LRFN5: variants seen among roughly 807,000 people sequenced by gnomAD.
LRFN5 encodes the protein leucine rich repeat and fibronectin type III domain containing 5.
In LRFN5, 24 loss-of-function variants were observed where a neutral mutation model predicts 45.6. That is an observed-to-expected ratio of 0.53 (90% confidence interval 0.38 to 0.74). The LOEUF (loss-of-function observed/expected upper bound fraction) is 0.74. Ranked by LOEUF, LRFN5 falls within the 30% of genes least tolerant of loss-of-function variation. The pLI, the probability that LRFN5 is intolerant of heterozygous loss-of-function variation, is 0.00. For synonymous variants in LRFN5, 340 were observed against 313.8 expected (o/e 1.08, Z -0.88); for missense variants, 776 against 861.5 (o/e 0.90, Z 1.24).
At chr14:41,858,268 A>T (rs1889541305) in intron 2 of LRFN5, among the ~76,000 whole-genome samples, 1 of 152,054 alleles carries the variant, frequency 6.6e-6, no homozygotes, top group African/African-American at 2.4e-5. Context: ...CACTCTCTCC[A>T]AGCACCACCC....
intron 1 of LRFN5, among the ~76,000 whole-genome samples, chr14:41,684,663 A>G (rs1183191001): frequency 6.6e-6 from 1 of 152,196 alleles, no homozygotes; most frequent in Non-Finnish European, 1.5e-5. Context: ...AAAATCAAAT[A>G]AAAATGGGTT....
Position 41,856,675 on chromosome 14 carries a change from A to ATTATTAT in LRFN5, c.-20-29929_-20-29928insATTATTT. Reference sequence around the variant, plus strand: ...TTCTTTCCTAATTATTATTATTATTATTTTTTTTTTTTTTTTTTTGAGACG... The same window carrying ATTATTAT: ...TTCTTTCCTAATTATTATTATTATTATTATTATTTTTTTTTTTTTTTTTTTTGAGACG... On this transcript the variant is annotated intron_variant, in intron 2 of 5. Coordinates refer to ENST00000298119, the MANE Select transcript of LRFN5 (RefSeq NM_152447.5). Among the ~76,000 whole-genome samples the ATTATTAT allele has an allele frequency of 3.4e-3, 63 of 18,344 alleles. 5 individuals carry two copies. The highest frequency in any genetic ancestry group is 7.4e-3 in the African/African-American group (58 of 7,826). 12.0% of individuals were successfully genotyped at this position (18,344 alleles called of 152,430 possible).
chr14:41,801,656 T>C (rs1887338886), intron 2 of LRFN5, among the ~76,000 whole-genome samples: 3 of 152,192 alleles, frequency 2.0e-5, no homozygotes. Context: ...CTGTGCTCAT[T>C]ATCCCAGATG....
chr14:41,803,114 A>C (rs1887396207), intron 2 of LRFN5, among the ~76,000 whole-genome samples: 1 of 152,188 alleles, frequency 6.6e-6, no homozygotes, highest in Admixed American at 6.5e-5. Flanking sequence ...AGTGGTTTTC[A>C]AGTATGTAAT....
chr14:41,880,020 T>C (rs1890321749), intron 2 of LRFN5, among the ~76,000 whole-genome samples: 1 of 148,442 alleles, frequency 6.7e-6, no homozygotes, highest in Non-Finnish European at 1.5e-5. Flanking sequence ...CTCTGCCTCC[T>C]GGGTTCGCGT....
intron 2 of LRFN5, among the ~76,000 whole-genome samples, chr14:41,850,908 C>T (rs1039756593): frequency 6.6e-5 from 10 of 151,664 alleles, no homozygotes; most frequent in African/African-American, 2.2e-4. Flanking sequence ...ATATGTGTTA[C>T]TGAAGGATTC....
rs1179087248 is a variant in LRFN5 at position 41,892,645 on chromosome 14, A to G, written c.2098+683A>G. 3.0e-6 allele frequency: 3 copies of G among 983,640 alleles called. No homozygotes were observed. The East Asian group carries it at 3.4e-4, about 112-fold the overall frequency. The allele number at this position is 983,640 out of a possible 1,614,324, so 60.9% of individuals were successfully genotyped here. On this transcript the variant is annotated intron_variant, in intron 4 of 5. Coordinates refer to ENST00000298119, the MANE Select transcript of LRFN5 (RefSeq NM_152447.5). ...ATGTTGCTAAATTATTTAAAATACA[A>G]TATTCAATTAGTATACCGAGTTAAT...
intron 2 of LRFN5, among the ~76,000 whole-genome samples, chr14:41,872,449 T>C (rs1890051199): frequency 6.6e-6 from 1 of 152,198 alleles, no homozygotes; most frequent in East Asian, 1.9e-4. Context: ...TGAAATTAGT[T>C]TGGCTATAAA....
chr14:41,660,777 C>T (rs1365757629), intron 1 of LRFN5, among the ~76,000 whole-genome samples: 1 of 151,236 alleles, frequency 6.6e-6, no homozygotes, highest in African/African-American at 2.4e-5. Flanking sequence ...GATTCTGATG[C>T]ATGTGGCCCA....
Position 41,865,388 on chromosome 14 carries a change from C to T in LRFN5, c.-20-21218C>T, listed in dbSNP as rs779605294. ...ATTTCAAGGTTCATTTATGGTATTGCGTATATCAGTACTGCATTATTTTTA... is the reference window on the plus strand; with the variant it reads ...ATTTCAAGGTTCATTTATGGTATTGTGTATATCAGTACTGCATTATTTTTA... On this transcript the variant is annotated intron_variant, in intron 2 of 5. Coordinates refer to ENST00000298119, the MANE Select transcript of LRFN5 (RefSeq NM_152447.5). Among the ~76,000 whole-genome samples the T allele has an allele frequency of 3.3e-5, 5 of 152,054 alleles. No individual in the cohort carries two copies. In the East Asian group the frequency reaches 5.8e-4, roughly 18 times the overall value.
intron 2 of LRFN5, among the ~76,000 whole-genome samples, chr14:41,798,726 G>C (rs562419524): frequency 6.6e-6 from 1 of 151,888 alleles, no homozygotes; most frequent in East Asian, 1.9e-4. Context: ...AGAGGTAAAA[G>C]TTTGTATAGT....
intron 1 of LRFN5, among the ~76,000 whole-genome samples, chr14:41,725,201 G>A (rs1031378130): frequency 6.6e-5 from 10 of 152,132 alleles, no homozygotes; most frequent in Non-Finnish European, 1.3e-4. Context: ...TAGATGTGGC[G>A]AACTTGAGGC....
rs1031344306 is a variant in LRFN5 at position 41,899,027 on chromosome 14, T to C, written c.2142+67T>C. 1.7e-5 allele frequency: 22 copies of C among 1,259,200 alleles called. No homozygotes were observed. The African/African-American group carries it at 3.4e-4, about 19-fold the overall frequency. 78.0% of individuals were successfully genotyped at this position (1,259,200 alleles called of 1,614,324 possible). The stretch of plus-strand genomic sequence containing the variant: ...GGGTATACACTTTTTATAAATTAAC[T>C]TTAAGTAATTAGTTTGCTAATTTAT... On this transcript the variant is annotated intron_variant, in intron 5 of 5. Coordinates refer to ENST00000298119, the MANE Select transcript of LRFN5 (RefSeq NM_152447.5).
chr14:41,883,436 C>T (rs1890456626), intron 2 of LRFN5, among the ~76,000 whole-genome samples: 1 of 151,914 alleles, frequency 6.6e-6, no homozygotes, highest in African/African-American at 2.4e-5. Context: ...AAGTTTCTTC[C>T]ATCATATATA....
At chr14:41,801,365 T>C (rs1277846964) in intron 2 of LRFN5, among the ~76,000 whole-genome samples, 1 of 152,192 alleles carries the variant, frequency 6.6e-6, no homozygotes, top group Non-Finnish European at 1.5e-5. Context: ...TTGCATATTT[T>C]AAAATATTAT....
intron 1 of LRFN5, among the ~76,000 whole-genome samples, chr14:41,624,684 G>A (rs932234368): frequency 6.6e-6 from 1 of 152,162 alleles, no homozygotes; most frequent in African/African-American, 2.4e-5. Context: ...TTACTGCTGG[G>A]AACCTTAATT....
intron 2 of LRFN5, among the ~76,000 whole-genome samples, chr14:41,818,240 T>G (rs1204900905): frequency 6.6e-6 from 1 of 152,004 alleles, no homozygotes; most frequent in Non-Finnish European, 1.5e-5. Flanking sequence ...AATACTTAAC[T>G]GTATCTTCAA....
At chr14:41,658,937 A>G (rs2138633748) in intron 1 of LRFN5, among the ~76,000 whole-genome samples, 1 of 151,656 alleles carries the variant, frequency 6.6e-6, no homozygotes, top group African/African-American at 2.4e-5. Flanking sequence ...TCATTCCTTA[A>G]TTGTTCTCTT....
At chr14:41,609,815 G>A (rs990645742) in intron 1 of LRFN5, among the ~76,000 whole-genome samples, 2 of 152,174 alleles carry the variant, frequency 1.3e-5, no homozygotes, top group African/African-American at 4.8e-5. Context: ...GGGGGGCGGG[G>A]GGTTCTCTTT....
Sources: allele counts gnomAD v4.1 joint callset (sites outside exome capture counted in the v4.1 genomes callset), GRCh38; gene constraint gnomAD v4.1.1; transcripts MANE v1.5; gene names NCBI Gene and HGNC (gene_info 2026-07-23, HGNC 2026-07-21).